TATDN2: variants seen among roughly 807,000 people sequenced by gnomAD.
TATDN2 encodes the protein TatD DNase domain containing 2.
TATDN2 carries 44 observed loss-of-function variants against 60.3 expected under a neutral mutation model. The ratio of observed to expected loss-of-function variants is 0.73; its 90% CI spans 0.57 to 0.94. The LOEUF is 0.94. Ranked by LOEUF, TATDN2 falls within the 40% of genes least tolerant of loss-of-function variation. TATDN2 has a pLI of 0.00. For missense variants in TATDN2, 997 were observed against 948.0 expected (o/e 1.05, Z -0.68); for synonymous variants, 399 against 355.8 (o/e 1.12, Z -1.37).
At chr3:10,261,493 C>T (rs908948077) in intron 3 of TATDN2, among the ~76,000 whole-genome samples, 1 of 151,998 alleles carries the variant, frequency 6.6e-6, no homozygotes, top group Non-Finnish European at 1.5e-5. Flanking sequence ...GCCTCAGCCT[C>T]CTGAGTAGCT....
chr3:10,258,095 C>T (rs561486793), intron 2 of TATDN2, among the ~76,000 whole-genome samples: 6 of 151,352 alleles, frequency 4.0e-5, no homozygotes, highest in Non-Finnish European at 7.4e-5. Flanking sequence ...GGGCCCGCCT[C>T]GGCCTCCCAA....
chr3:10,271,537 C>T (rs547710597), intron 4 of TATDN2, among the ~76,000 whole-genome samples: 3 of 152,270 alleles, frequency 2.0e-5, no homozygotes, highest in South Asian at 4.1e-4. Flanking sequence ...CTCCTGACCT[C>T]AGGTGATCCA....
Position 10,255,672 on chromosome 3 carries a change from T to C in TATDN2, c.415-4465T>C, listed in dbSNP as rs571532525. Among the ~76,000 whole-genome samples, 10 of 152,274 alleles carry C rather than the reference T, an allele frequency of 6.6e-5. 1 individual carries two copies. Among genetic ancestry groups the C allele is most frequent in the South Asian group, 4.2e-4 (2 of 4,818 alleles). Reference sequence around the variant, plus strand: ...ATTTATGACTCCAGGCTGGGTGCGGTGGCTCATGCCTGTAATCCCAGCACT... The same window carrying C: ...ATTTATGACTCCAGGCTGGGTGCGGCGGCTCATGCCTGTAATCCCAGCACT... On this transcript the variant is annotated intron_variant, in intron 2 of 7. Coordinates refer to ENST00000448281, the MANE Select transcript of TATDN2 (RefSeq NM_014760.4).
intron 2 of TATDN2, among the ~76,000 whole-genome samples, chr3:10,252,168 A>AAAAT (rs1456090362): frequency 7.3e-6 from 1 of 136,468 alleles, no homozygotes; most frequent in Non-Finnish European, 1.6e-5. Context: ...AAAAAAAAAA[A>AAAAT]TTTTTTTTTT....
intron 3 of TATDN2, among the ~76,000 whole-genome samples, chr3:10,269,124 G>C (rs1200095743): frequency 6.6e-6 from 1 of 152,168 alleles, no homozygotes; most frequent in African/African-American, 2.4e-5. Context: ...CAGCCAGTAA[G>C]TCAGCCAGGC....
intron 3 of TATDN2, among the ~76,000 whole-genome samples, chr3:10,262,162 T>A (rs1158259585): frequency 6.6e-6 from 1 of 152,218 alleles, no homozygotes; most frequent in Non-Finnish European, 1.5e-5. Flanking sequence ...TTTTTTTCTC[T>A]CTTGGAGGTA....
At chr3:10,252,707 T>G (rs1331244316) in intron 2 of TATDN2, among the ~76,000 whole-genome samples, 1 of 148,910 alleles carries the variant, frequency 6.7e-6, no homozygotes, top group Non-Finnish European at 1.5e-5. Flanking sequence ...TTTTTTTTGT[T>G]TGAGACAGGG....
At chr3:10,263,864 C>T (rs754854231) in intron 3 of TATDN2, among the ~76,000 whole-genome samples, 10 of 152,094 alleles carry the variant, frequency 6.6e-5, no homozygotes, top group Non-Finnish European at 1.2e-4. Context: ...TTGGGATGAT[C>T]GGGAGAATAT....
intron 2 of TATDN2, among the ~76,000 whole-genome samples, chr3:10,250,574 C>G (rs1266070627): frequency 6.6e-6 from 1 of 152,122 alleles, no homozygotes; most frequent in African/African-American, 2.4e-5. Context: ...TGTTTTTAAG[C>G]CTAGCCTTGG....
chr3:10,276,564 G>A (rs1378382709), intron 5 of TATDN2, 76 bp downstream of exon 5: 4 of 1,554,138 alleles, frequency 2.6e-6, no homozygotes, highest in South Asian at 1.2e-5. Flanking sequence ...AGCAATGATC[G>A]TATTCTGTCA....
At chr3:10,257,123 C>CA (rs113653723) in intron 2 of TATDN2, among the ~76,000 whole-genome samples, 2 of 148,854 alleles carry the variant, frequency 1.3e-5, no homozygotes, top group Non-Finnish European at 3.0e-5. Flanking sequence ...CTAAAAATAC[C>CA]AAAAAAAAAT....
chr3:10,278,232 C>T lies in TATDN2; in HGVS notation c.1962-47C>T, dbSNP rs1408350683. Reference sequence around the variant, plus strand: ...TGGGTGTGGGGGGAGCTGGGGGCTGCTGCAGAGGGGACTGTGAGCAGCCCT... The same window carrying T: ...TGGGTGTGGGGGGAGCTGGGGGCTGTTGCAGAGGGGACTGTGAGCAGCCCT... On this transcript the variant is annotated intron_variant, in intron 5 of 7. Coordinates refer to ENST00000448281, the MANE Select transcript of TATDN2 (RefSeq NM_014760.4). The surrounding 1 kb of genome is among the most constrained non-coding windows in gnomAD (Gnocchi z 4.7). 4 of 1,585,518 alleles carry T rather than the reference C, an allele frequency of 2.5e-6. No homozygotes were observed. In the East Asian group the frequency reaches 9.0e-5, roughly 36 times the overall value.
At position 10,249,306 on chromosome 3, in the gene TATDN2, A is replaced by G; in HGVS notation, c.106A>G (p.Ser36Gly). The change falls in exon 2 of 8, where the codon AGC becomes GGC. Residue 36 changes from serine (S) to glycine (G), a missense_variant. Ser to Gly is a moderately conservative substitution (Grantham distance 56). Transcript: ENST00000448281. ...LREPCDVAPSSRPAQRSASRS... is the reference protein window; with the variant it reads ...LREPCDVAPSGRPAQRSASRS... Reference sequence around the variant, plus strand: ...GGAGCCCTGTGATGTGGCCCCCTCCAGCCGGCCAGCTCAGAGGTCTGCGTC... The same window carrying G: ...GGAGCCCTGTGATGTGGCCCCCTCCGGCCGGCCAGCTCAGAGGTCTGCGTC... 1 of 1,607,384 alleles carries G rather than the reference A, an allele frequency of 6.2e-7. No homozygotes were observed. The highest frequency in any genetic ancestry group is 1.1e-5 in the South Asian group (1 of 90,732).
intron 3 of TATDN2, among the ~76,000 whole-genome samples, chr3:10,269,882 T>A (rs1292410469): frequency 1.3e-5 from 2 of 152,178 alleles, no homozygotes; most frequent in Non-Finnish European, 1.5e-5. Context: ...AGGAGTAGCA[T>A]GATGAGGCCA....
chr3:10,259,718 G>A (rs540883308), intron 2 of TATDN2, among the ~76,000 whole-genome samples: 73 of 152,312 alleles, frequency 4.8e-4, no homozygotes, highest in Admixed American at 2.0e-3. Context: ...AGTTCCTGGG[G>A]CTAGCCCTTC....
At chr3:10,269,994 G>A in intron 3 of TATDN2, 137 bp from the exon 4 acceptor site, 1 of 1,099,798 alleles carries the variant, frequency 9.1e-7, no homozygotes, top group Non-Finnish European at 1.3e-6. Flanking sequence ...AGGTGACAGG[G>A]TGAGCTAATG....
chr3:10,270,731 A>G lies in TATDN2; in HGVS notation c.1549A>G (p.Lys517Glu), dbSNP rs1282033421. 1 of 1,614,120 alleles carries G rather than the reference A, an allele frequency of 6.2e-7. No homozygotes were observed. Among genetic ancestry groups the G allele is most frequent in the Admixed American group, 1.7e-5 (1 of 60,012 alleles). The change falls in exon 4 of 8, where the codon AAG (lysine) becomes GAG (glutamate). Residue 517 changes from lysine (K) to glutamate (E), a missense_variant. Transcript: ENST00000448281. The stretch of plus-strand genomic sequence containing the variant: ...GCTATCTTTCCAAGGGACCTTTACA[A>G]AGTTCAGAAAAATTTACAGCAGCTC... Reference protein sequence around the residue: ...SKLSFQGTFTKFRKIYSSSFP... With the variant: ...SKLSFQGTFTEFRKIYSSSFP...
chr3:10,249,834 C>T (rs1202108675), intron 2 of TATDN2, among the ~76,000 whole-genome samples: 1 of 152,184 alleles, frequency 6.6e-6, no homozygotes, highest in Non-Finnish European at 1.5e-5. Flanking sequence ...CTCGGCAGCA[C>T]TTTGGAACTA....
At chr3:10,262,323 G>C (rs958201503) in intron 3 of TATDN2, among the ~76,000 whole-genome samples, 3 of 151,800 alleles carry the variant, frequency 2.0e-5, no homozygotes, top group Admixed American at 2.0e-4. Flanking sequence ...CTTCTTCCTT[G>C]GTTTACTCTC....
Sources: gnomAD v4.1 joint callset for allele counts (sites outside exome capture counted in the v4.1 genomes callset) on GRCh38, gnomAD v4.1.1 for gene constraint, Gnocchi (gnomAD v3.1) non-coding constraint, MANE v1.5 for transcripts, NCBI Gene and HGNC (gene_info 2026-07-23, HGNC 2026-07-21) for gene names.